KCNN2: variants seen among roughly 807,000 people sequenced by gnomAD.
KCNN2 encodes potassium calcium-activated channel subfamily N member 2.
Under a neutral mutation model 55.5 loss-of-function variants are expected in KCNN2, and 24 were observed. The observed-to-expected ratio is 0.43, with a 90% CI of 0.31 to 0.61. The LOEUF (loss-of-function observed/expected upper bound fraction) is 0.61. Ranked by LOEUF, KCNN2 falls within the 20% of genes least tolerant of loss-of-function variation. The probability of loss-of-function intolerance (pLI) is 0.08; values close to 1 mark genes in which losing one functional copy is unlikely to be tolerated. For missense variants in KCNN2, 754 were observed against 853.6 expected (o/e 0.88, Z 1.45); for synonymous variants, 431 against 336.1 (o/e 1.28, Z -3.09).
chr5:114,218,960 A>G (rs1188747938), intron 1 of KCNN2, among the ~76,000 whole-genome samples: 1 of 152,228 alleles, frequency 6.6e-6, no homozygotes, highest in African/African-American at 2.4e-5. Context: ...GCATGTGAGC[A>G]AAGAAGTGCA....
At chr5:114,253,035 G>T (rs527755252) in intron 2 of KCNN2, among the ~76,000 whole-genome samples, 1 of 152,002 alleles carries the variant, frequency 6.6e-6, no homozygotes, top group East Asian at 1.9e-4. Flanking sequence ...TCCTTGGGGG[G>T]TAGTACCTCT....
At chr5:114,354,524 T>C (rs1757265166) in intron 2 of KCNN2, among the ~76,000 whole-genome samples, 1 of 152,058 alleles carries the variant, frequency 6.6e-6, no homozygotes, top group South Asian at 2.1e-4. Context: ...CCAATACATA[T>C]GAAGGAGGAG....
At chr5:114,270,779 G>C (rs1403736072) in intron 2 of KCNN2, among the ~76,000 whole-genome samples, 1 of 152,170 alleles carries the variant, frequency 6.6e-6, no homozygotes, top group African/African-American at 2.4e-5. Flanking sequence ...CTGACTTCAA[G>C]AATGAAGCCA....
At position 114,362,594 on chromosome 5, in the gene KCNN2, C is replaced by G. The variant is rs973638039; in HGVS notation, c.455C>G (p.Ala152Gly). ...QYAQQSAQQS[A>G]SASQYHQCHS... ...GCGCAGCAGTCCGCGCAGCAGTCGG[C>G]GTCCGCCTCCCAGTACCACCAGTGC... The change falls in exon 1 of 8, where the codon GCG becomes GGG. Residue 152 changes from alanine (A) to glycine (G), a missense_variant. Around this residue, in one of 4 missense-constraint regions of KCNN2, gnomAD observed 381 missense variants for 259.1 expected, o/e 1.47. Transcript: ENST00000673685. 9.1e-6 allele frequency: 7 copies of G among 771,748 alleles called. No homozygotes were observed. The highest frequency in any genetic ancestry group is 1.8e-5 in the African/African-American group (1 of 54,308). 47.8% of individuals were successfully genotyped at this position (771,748 alleles called of 1,614,324 possible).
intron 3 of KCNN2, among the ~76,000 whole-genome samples, chr5:114,420,989 T>C (rs1759456150): frequency 6.6e-6 from 1 of 152,192 alleles, no homozygotes; most frequent in Admixed American, 6.5e-5. Context: ...GTTTGGGATA[T>C]GACTAAAAAT....
intron 2 of KCNN2, among the ~76,000 whole-genome samples, chr5:114,226,471 AG>A (rs1290376391): frequency 2.0e-5 from 3 of 152,168 alleles, no homozygotes; most frequent in Non-Finnish European, 4.4e-5. Context: ...CCATCACTTG[AG>A]GTCAGTAAAA....
chr5:114,329,432 T>C (rs930846297), intron 2 of KCNN2, among the ~76,000 whole-genome samples: 6 of 152,210 alleles, frequency 3.9e-5, no homozygotes, highest in Non-Finnish European at 4.4e-5. Context: ...AGGATTTGAC[T>C]TGCTGAGTCT....
chr5:114,198,684 T>C (rs1753610701), intron 1 of KCNN2, among the ~76,000 whole-genome samples: 1 of 152,060 alleles, frequency 6.6e-6, no homozygotes, highest in African/African-American at 2.4e-5. Context: ...TTTTAATTTT[T>C]GTTTTTAGTT....
intron 2 of KCNN2, among the ~76,000 whole-genome samples, chr5:114,284,609 C>T (rs1186545521): frequency 2.6e-5 from 4 of 152,080 alleles, no homozygotes; most frequent in South Asian, 4.1e-4. Flanking sequence ...TCTTTGACTC[C>T]GTGGTTCAAG....
At chr5:114,351,448 C>T (rs1580739808) in intron 2 of KCNN2, among the ~76,000 whole-genome samples, 1 of 151,626 alleles carries the variant, frequency 6.6e-6, no homozygotes, top group African/African-American at 2.4e-5. Flanking sequence ...TTTTTATTAC[C>T]TAACTGTACT....
rs546876640 is a variant in KCNN2, at chr5:114,161,075, A to G, written c.-270-60405A>G. Reference sequence around the variant, plus strand: ...ATGTTAGCTGTTTATTTTGCTCGTTAGTTGATGCAGTTTCTTCCTAGCCTT... The same window carrying G: ...ATGTTAGCTGTTTATTTTGCTCGTTGGTTGATGCAGTTTCTTCCTAGCCTT... On this transcript the variant is annotated intron_variant, in intron 1 of 10. Transcript: ENST00000512097. Among the ~76,000 whole-genome samples, 13 of 152,268 alleles carry G rather than the reference A, an allele frequency of 8.5e-5. 1 individual carries two copies. The East Asian group carries it at 2.5e-3, about 29-fold the overall frequency.
intron 2 of KCNN2, among the ~76,000 whole-genome samples, chr5:114,392,667 A>G (rs901618700): frequency 1.1e-4 from 17 of 152,032 alleles, no homozygotes; most frequent in Non-Finnish European, 1.8e-4. Context: ...TTGAAAAGTC[A>G]TCTCTCCCTT....
chr5:114,148,357 C>A (rs563676951), intron 1 of KCNN2, among the ~76,000 whole-genome samples: 2 of 152,276 alleles, frequency 1.3e-5, no homozygotes, highest in South Asian at 4.1e-4. Context: ...GCAACAAACA[C>A]AGACGAGTTC....
At chr5:114,245,481 G>A (rs1454749769) in intron 2 of KCNN2, among the ~76,000 whole-genome samples, 1 of 152,176 alleles carries the variant, frequency 6.6e-6, no homozygotes. Flanking sequence ...GAGGGAAAGT[G>A]AATTGCCCAA....
intron 6 of KCNN2, among the ~76,000 whole-genome samples, chr5:114,492,918 T>C (rs879336703): frequency 1.3e-5 from 2 of 152,132 alleles, no homozygotes; most frequent in Non-Finnish European, 2.9e-5. Flanking sequence ...ATCTCACTTA[T>C]CACTGTGTTT....
Position 114,123,351 on chromosome 5 carries a change from ATTTTTTTTTTTT to A in KCNN2, c.-271+66869_-271+66880del, listed in dbSNP as rs1172994171. ...ATACTGTAAGAGGTACATTTTCTTA[ATTTTTTTTTTTT>A]TTTTTTTTTTTTTTTTTGAGACAGA... On this transcript the variant is annotated intron_variant, in intron 1 of 10. Transcript: ENST00000512097. Among the ~76,000 whole-genome samples, 21 of 65,018 alleles carry A rather than the reference ATTTTTTTTTTTT, an allele frequency of 3.2e-4. 1 individual carries two copies. The East Asian group carries it at 4.6e-3, about 14-fold the overall frequency. The allele number at this position is 65,018 out of a possible 152,430, so 42.7% of individuals were successfully genotyped here.
intron 2 of KCNN2, among the ~76,000 whole-genome samples, chr5:114,390,925 CAT>C (rs1164944704): frequency 2.0e-5 from 3 of 152,098 alleles, no homozygotes; most frequent in East Asian, 1.9e-4. Context: ...TGGTAAGAAA[CAT>C]GTGAAAGGGG....
At chr5:114,457,323 A>G (rs1000988872) in intron 3 of KCNN2, among the ~76,000 whole-genome samples, 2 of 152,240 alleles carry the variant, frequency 1.3e-5, no homozygotes, top group East Asian at 1.9e-4. Context: ...GCACTCTTCA[A>G]TTAAGGTATA....
At chr5:114,244,109 A>G (rs1754700445) in intron 2 of KCNN2, among the ~76,000 whole-genome samples, 1 of 152,214 alleles carries the variant, frequency 6.6e-6, no homozygotes, top group Non-Finnish European at 1.5e-5. Context: ...CCTCAAATCC[A>G]GAACTGAAAG....
Sources: allele counts gnomAD v4.1 joint callset (sites outside exome capture counted in the v4.1 genomes callset), GRCh38; gene constraint gnomAD v4.1.1; regional missense constraint gnomAD v4.1.1; transcripts MANE v1.5; gene names NCBI Gene and HGNC (gene_info 2026-07-23, HGNC 2026-07-21).